Variants in SLC2A13 observed in about 807,000 individuals in gnomAD.
SLC2A13 encodes the protein solute carrier family 2 member 13.
In SLC2A13, 32 loss-of-function variants were observed where a neutral mutation model predicts 64.4. That is an observed-to-expected ratio of 0.50 (90% CI 0.37 to 0.67). The LOEUF is 0.67. SLC2A13 is among the 30% of genes least tolerant of loss of function. The probability of loss-of-function intolerance (pLI) is 0.00; values close to 1 mark genes in which losing one functional copy is unlikely to be tolerated. For missense variants in SLC2A13, 743 were observed against 829.2 expected (o/e 0.90, Z 1.28); for synonymous variants, 338 against 327.1 (o/e 1.03, Z -0.36).
intron 4 of SLC2A13, among the ~76,000 whole-genome samples, chr12:39,923,694 G>GCACACACACACA (rs200530373): frequency 0.15 from 20,586 of 137,032 alleles, 1,904 homozygotes; most frequent in Non-Finnish European, 0.2. Context: ...ATATGCGCAC[G>GCACACACACACA]CGCACACACA....
rs1945700272 is a variant in SLC2A13 at position 39,925,102 on chromosome 12, C to T, written c.1034+26155G>A. ...CCAGGCTAGAGTGCAAAGGCATGAT[C>T]ATGGATCGCTCACTCGATCTCCTGA... On this transcript the variant is annotated intron_variant, in intron 4 of 9. Transcript: ENST00000280871. 4.3e-5 allele frequency among the ~76,000 whole-genome samples: 6 copies of T among 140,096 alleles called. No individual in the cohort carries two copies. In the Admixed American group the frequency reaches 4.7e-4, roughly 11 times the overall value. The allele number at this position is 140,096 out of a possible 152,430, so 91.9% of individuals were successfully genotyped here.
chr12:40,010,610 C>A (rs1282913169), intron 3 of SLC2A13, among the ~76,000 whole-genome samples: 2 of 152,110 alleles, frequency 1.3e-5, no homozygotes, highest in African/African-American at 4.8e-5. Flanking sequence ...TTTCACAAAC[C>A]TTTTAAAACC....
chr12:40,022,990 T>C (rs1947746818), intron 3 of SLC2A13, among the ~76,000 whole-genome samples: 1 of 152,230 alleles, frequency 6.6e-6, no homozygotes, highest in South Asian at 2.1e-4. Flanking sequence ...TATAAAAGGC[T>C]GCTCTTTACT....
intron 4 of SLC2A13, among the ~76,000 whole-genome samples, chr12:39,885,215 C>T (rs1944439523): frequency 6.6e-6 from 1 of 152,194 alleles, no homozygotes; most frequent in African/African-American, 2.4e-5. Flanking sequence ...GCCAACAGGA[C>T]TGCCAGTACC....
chr12:39,860,449 A>G (rs1943729279), intron 6 of SLC2A13, among the ~76,000 whole-genome samples: 1 of 152,174 alleles, frequency 6.6e-6, no homozygotes. Context: ...GCCCATGTCT[A>G]TGGACTTAAT....
intron 4 of SLC2A13, among the ~76,000 whole-genome samples, chr12:39,887,490 C>A (rs117914230): frequency 0.035 from 5,387 of 152,190 alleles, 120 homozygotes; most frequent in Non-Finnish European, 0.054. Context: ...CTTTTCACAA[C>A]AGGGATAGAA....
intron 3 of SLC2A13, among the ~76,000 whole-genome samples, chr12:40,007,234 T>C (rs1000250764): frequency 2.6e-5 from 4 of 152,216 alleles, no homozygotes; most frequent in Non-Finnish European, 4.4e-5. Context: ...AGTGATGGAA[T>C]TGCAGAAACT....
rs546821185 is a variant in SLC2A13 at position 39,792,258 on chromosome 12, A to C, written c.1446-27400T>G. The stretch of plus-strand genomic sequence containing the variant: ...ATTAAAGATTTAAACGTTAGACCTA[A>C]AACCATAAAAACCCTAGAAGAAAAC... On this transcript the variant is annotated intron_variant, in intron 7 of 9. Coordinates refer to ENST00000280871, the MANE Select transcript of SLC2A13 (RefSeq NM_052885.4). Among the ~76,000 whole-genome samples, 278 of 144,376 alleles carry C rather than the reference A, an allele frequency of 1.9e-3. 17 individuals are homozygous for C. In the South Asian group the frequency reaches 0.062, roughly 32 times the overall value. 94.7% of individuals were successfully genotyped at this position (144,376 alleles called of 152,430 possible).
At chr12:39,958,809 A>G (rs1171461531) in intron 3 of SLC2A13, among the ~76,000 whole-genome samples, 1 of 151,908 alleles carries the variant, frequency 6.6e-6, no homozygotes. Context: ...TTGGGATCCC[A>G]TCCTTGCAAT....
intron 4 of SLC2A13, among the ~76,000 whole-genome samples, chr12:39,883,692 A>G (rs1944399006): frequency 1.3e-5 from 2 of 152,332 alleles, no homozygotes; most frequent in South Asian, 4.1e-4. Flanking sequence ...ACTTGTAAGT[A>G]AAACTTTGCA....
intron 3 of SLC2A13, among the ~76,000 whole-genome samples, chr12:39,953,979 A>G (rs1056366959): frequency 1.3e-5 from 2 of 152,228 alleles, no homozygotes; most frequent in Non-Finnish European, 2.9e-5. Context: ...TTAAAAATGC[A>G]CTAAAAGCCA....
At chr12:39,910,573 C>T (rs7300011) in intron 4 of SLC2A13, among the ~76,000 whole-genome samples, 2 of 151,960 alleles carry the variant, frequency 1.3e-5, no homozygotes, top group African/African-American at 2.4e-5. Flanking sequence ...TGCATTCCAT[C>T]TGTTATGGCA....
intron 2 of SLC2A13, among the ~76,000 whole-genome samples, chr12:40,041,112 C>T (rs573855362): frequency 9.9e-5 from 15 of 152,230 alleles, no homozygotes; most frequent in South Asian, 6.2e-4. Flanking sequence ...ACCACCGCGC[C>T]CGGCTAATTT....
intron 6 of SLC2A13, among the ~76,000 whole-genome samples, chr12:39,834,047 T>C (rs1942938314): frequency 6.6e-6 from 1 of 152,064 alleles, no homozygotes; most frequent in African/African-American, 2.4e-5. Context: ...TACTATTAGA[T>C]CGTACCCTTT....
At chr12:40,083,611 A>C (rs1423055837) in intron 1 of SLC2A13, among the ~76,000 whole-genome samples, 1 of 152,208 alleles carries the variant, frequency 6.6e-6, no homozygotes, top group Non-Finnish European at 1.5e-5. Flanking sequence ...AAAAGGAAAA[A>C]AAGGATGGGG....
chr12:39,966,931 T>C (rs868384512), intron 3 of SLC2A13, among the ~76,000 whole-genome samples: 1 of 152,216 alleles, frequency 6.6e-6, no homozygotes, highest in South Asian at 2.1e-4. Context: ...TGGCTTGAGA[T>C]GCTCTTCTAG....
chr12:39,918,578 T>G lies in SLC2A13; in HGVS notation c.1034+32679A>C, dbSNP rs551388365. Among the ~76,000 whole-genome samples, 9 of 152,180 alleles carry G rather than the reference T, an allele frequency of 5.9e-5. No homozygotes were observed. The South Asian group carries it at 1.9e-3, about 32-fold the overall frequency. On this transcript the variant is annotated intron_variant, in intron 4 of 9. Transcript: ENST00000280871. ...GTGAAGTAAACTTATTCCTACTCAA[T>G]CCACTTCCTGTGGGTAAATAATCTG...
chr12:39,839,276 GA>G (rs963207724), intron 6 of SLC2A13, among the ~76,000 whole-genome samples: 10 of 151,912 alleles, frequency 6.6e-5, no homozygotes, highest in Non-Finnish European at 1.3e-4. Context: ...AACAACTCTG[GA>G]ACACCTGCCT....
intron 6 of SLC2A13, among the ~76,000 whole-genome samples, chr12:39,832,852 C>T (rs1942894951): frequency 6.6e-6 from 1 of 152,078 alleles, no homozygotes; most frequent in African/African-American, 2.4e-5. Context: ...CAAACATTTG[C>T]CTTATCTGTG....
Sources: gnomAD v4.1 joint callset for allele counts (sites outside exome capture counted in the v4.1 genomes callset) on GRCh38, gnomAD v4.1.1 for gene constraint, MANE v1.5 for transcripts, NCBI Gene and HGNC (gene_info 2026-07-23, HGNC 2026-07-21) for gene names.